PABPC4L: variants seen among roughly 807,000 people sequenced by gnomAD.
The protein encoded by PABPC4L is polyadenylate-binding protein 4-like.
For synonymous variants in PABPC4L, 169 were observed against 164.1 expected (o/e 1.03, Z -0.23); for missense variants, 452 against 451.4 (o/e 1.00, Z -0.01).
the PABPC4L span, among the ~76,000 whole-genome samples, chr4:134,152,592 T>C: frequency 5.9e-5 from 9 of 152,112 alleles, no homozygotes; most frequent in South Asian, 4.1e-4. Flanking sequence ...CTCAATACCA[T>C]GTGGAAGACA....
chr4:134,063,964 G>A, the PABPC4L span, among the ~76,000 whole-genome samples: 1 of 151,836 alleles, frequency 6.6e-6, no homozygotes, highest in Non-Finnish European at 1.5e-5. Context: ...ATATATCCAA[G>A]GACACTCCTG....
the PABPC4L span, among the ~76,000 whole-genome samples, chr4:134,029,452 A>G: frequency 6.6e-6 from 1 of 152,086 alleles, no homozygotes; most frequent in Non-Finnish European, 1.5e-5. Flanking sequence ...GCCATGAAAA[A>G]ATGTTATATT....
chr4:134,001,308 T>A, the PABPC4L span, among the ~76,000 whole-genome samples: 9 of 151,754 alleles, frequency 5.9e-5, no homozygotes, highest in African/African-American at 2.2e-4. Flanking sequence ...GTAAGGCTAG[T>A]GAACTGGACC....
the PABPC4L span, among the ~76,000 whole-genome samples, chr4:134,167,853 C>T: frequency 6.6e-6 from 1 of 152,024 alleles, no homozygotes; most frequent in African/African-American, 2.4e-5. Context: ...AGAACTTCAA[C>T]ACTGTACTTT....
chr4:133,980,973 T>A, the PABPC4L span, among the ~76,000 whole-genome samples: 2 of 151,984 alleles, frequency 1.3e-5, no homozygotes, highest in Non-Finnish European at 2.9e-5. Context: ...ACCTGGCCAA[T>A]ATAATAGTGA....
Position 134,197,989 on chromosome 4 carries a change from C to T in PABPC4L, c.*1918G>A, listed in dbSNP as rs1244853978. On this transcript the variant is annotated 3_prime_UTR_variant, in exon 2 of 2. Coordinates refer to ENST00000421491, the MANE Select transcript of PABPC4L (RefSeq NM_001114734.2). Reference sequence around the variant, plus strand: ...ATAGATATATTTGCATATATAAGTTCGCAAGGATGTTAATCTCCAAGTTAT... The same window carrying T: ...ATAGATATATTTGCATATATAAGTTTGCAAGGATGTTAATCTCCAAGTTAT... 7 of 151,282 alleles carry T rather than the reference C, an allele frequency of 4.6e-5. No homozygotes were observed. The highest frequency in any genetic ancestry group is 3.9e-4 in the Admixed American group (6 of 15,192). 9.4% of individuals were successfully genotyped at this position (151,282 alleles called of 1,614,324 possible). A position where few individuals can be genotyped will look rare whatever the true frequency, so the allele number is the denominator to read the frequency against.
At chr4:134,189,147 T>A in the PABPC4L span, among the ~76,000 whole-genome samples, 25 of 152,108 alleles carry the variant, frequency 1.6e-4, no homozygotes, top group Admixed American at 3.3e-4. Context: ...TTTTGATGAT[T>A]TCTTAGAATT....
At chr4:134,195,791 T>C (rs1560836570), downstream of PABPC4L, among the ~76,000 whole-genome samples, 1 of 151,632 alleles carries the variant, frequency 6.6e-6, no homozygotes. Context: ...TAATTATACA[T>C]ATTTCCTCTG....
At chr4:134,154,572 C>T in the PABPC4L span, among the ~76,000 whole-genome samples, 1 of 152,054 alleles carries the variant, frequency 6.6e-6, no homozygotes, top group Non-Finnish European at 1.5e-5. Flanking sequence ...ATAAACATTG[C>T]CTTTGGACAA....
At chr4:134,011,591 C>G in the PABPC4L span, among the ~76,000 whole-genome samples, 2 of 151,986 alleles carry the variant, frequency 1.3e-5, no homozygotes, top group African/African-American at 4.8e-5. Context: ...TATTATTTGA[C>G]ATATTTTCTA....
At chr4:134,035,701 T>A in the PABPC4L span, among the ~76,000 whole-genome samples, 1 of 152,052 alleles carries the variant, frequency 6.6e-6, no homozygotes, top group South Asian at 2.1e-4. Flanking sequence ...TAATGTATAG[T>A]CATCAGTCCT....
the PABPC4L span, among the ~76,000 whole-genome samples, chr4:134,059,597 A>G: frequency 6.6e-6 from 1 of 151,490 alleles, no homozygotes; most frequent in Non-Finnish European, 1.5e-5. Flanking sequence ...TGAAATATGA[A>G]CAAGATATCA....
chr4:134,031,656 T>G, the PABPC4L span, among the ~76,000 whole-genome samples: 6 of 151,938 alleles, frequency 3.9e-5, no homozygotes, highest in African/African-American at 9.7e-5. Flanking sequence ...AGGTGAAAAC[T>G]TAGTCACTTT....
chr4:134,118,406 G>C, the PABPC4L span, among the ~76,000 whole-genome samples: 1 of 151,740 alleles, frequency 6.6e-6, no homozygotes, highest in Non-Finnish European at 1.5e-5. Context: ...TTTGATTAAT[G>C]AGAAATTAAA....
the PABPC4L span, among the ~76,000 whole-genome samples, chr4:134,013,227 C>A: frequency 3.3e-5 from 5 of 151,894 alleles, no homozygotes; most frequent in African/African-American, 7.2e-5. Context: ...GGGGGAGGGG[C>A]AGGAACCCCG....
chr4:134,081,017 T>C, the PABPC4L span, among the ~76,000 whole-genome samples: 1 of 152,180 alleles, frequency 6.6e-6, no homozygotes, highest in African/African-American at 2.4e-5. Context: ...TTTATTTCTA[T>C]TATAGACATC....
the PABPC4L span, among the ~76,000 whole-genome samples, chr4:134,182,211 A>G: frequency 6.6e-6 from 1 of 152,078 alleles, no homozygotes; most frequent in South Asian, 2.1e-4. Flanking sequence ...ACTTCAAACT[A>G]TACTACAAGG....
the PABPC4L span, among the ~76,000 whole-genome samples, chr4:134,092,693 G>C: frequency 6.6e-6 from 1 of 151,862 alleles, no homozygotes; most frequent in Non-Finnish European, 1.5e-5. Context: ...ATGCATTTAA[G>C]GGCACTCACC....
chr4:134,092,805 C>G, the PABPC4L span, among the ~76,000 whole-genome samples: 1 of 152,086 alleles, frequency 6.6e-6, no homozygotes, highest in Non-Finnish European at 1.5e-5. Context: ...GCAAGTCCCA[C>G]AAGAGGGTCA....
Sources: gnomAD v4.1 joint callset for allele counts (sites outside exome capture counted in the v4.1 genomes callset) on GRCh38, gnomAD v4.1.1 for gene constraint, MANE v1.5 for transcripts, NCBI Gene and HGNC (gene_info 2026-07-23, HGNC 2026-07-21) for gene names.